ADGRG5: variants seen among roughly 807,000 people sequenced by gnomAD.
The protein encoded by ADGRG5 is G protein-coupled receptor 114.
A neutral mutation model predicts 53.2 loss-of-function variants in ADGRG5; 37 were observed. That is an observed-to-expected ratio of 0.70 (90% CI 0.53 to 0.91). The LOEUF is 0.91. Among genes scored for constraint, ADGRG5 ranks in the 40% least tolerant of loss-of-function variants. The pLI is 0.00. For missense variants in ADGRG5, 614 were observed against 675.8 expected (o/e 0.91, Z 1.01); for synonymous variants, 277 against 290.4 (o/e 0.95, Z 0.47).
rs768257609 is a variant in ADGRG5, at chr16:57,575,741, C to A, written c.*203C>A. 14 of 558,670 alleles carry A rather than the reference C, an allele frequency of 2.5e-5. No homozygotes were observed. The highest frequency in any genetic ancestry group is 4.2e-5 in the Non-Finnish European group (13 of 311,062). The allele number at this position is 558,670 out of a possible 1,614,324, so 34.6% of individuals were successfully genotyped here. A position where few individuals can be genotyped will look rare whatever the true frequency, so the allele number is the denominator to read the frequency against. ...CTCTCCCTGACATTTTGCTCCGGGG[C>A]AGATCCAACCTTACCTGGGGCAGCA... On this transcript the variant is annotated 3_prime_UTR_variant, in exon 12 of 12. Transcript: ENST00000349457.
chr16:57,553,005 C>T (rs1381154157), intron 1 of ADGRG5, among the ~76,000 whole-genome samples: 1 of 152,170 alleles, frequency 6.6e-6, no homozygotes, highest in African/African-American at 2.4e-5. Context: ...AAAACACATA[C>T]ATTTATTGGT....
At chr16:57,530,804 G>A in the ADGRG5 span, among the ~76,000 whole-genome samples, 1 of 151,818 alleles carries the variant, frequency 6.6e-6, no homozygotes, top group Admixed American at 6.6e-5. Context: ...TCCCTTTTAA[G>A]GTCCTTCCAA....
chr16:57,540,059 A>G (rs140005974), upstream of ADGRG5, among the ~76,000 whole-genome samples: 416 of 152,264 alleles, frequency 2.7e-3, 4 homozygotes, highest in African/African-American at 9.7e-3. Flanking sequence ...CCTGGCCAAC[A>G]TGGTGAAACC....
intron 9 of ADGRG5, among the ~76,000 whole-genome samples, chr16:57,569,611 A>G (rs1400312771): frequency 7.6e-5 from 11 of 145,110 alleles, no homozygotes; most frequent in Admixed American, 4.1e-4. Context: ...CTCCACCTCT[A>G]TCATCGCCAT....
Position 57,544,593 on chromosome 16 carries a change from C to T in ADGRG5, c.-39+1892C>T, listed in dbSNP as rs575610392. Reference sequence around the variant, plus strand: ...GTGGGGGTAAGAGCCTGGTCTTACACCTTGCAGGTCAAATCCATCTATCTC... The same window carrying T: ...GTGGGGGTAAGAGCCTGGTCTTACATCTTGCAGGTCAAATCCATCTATCTC... On this transcript the variant is annotated intron_variant, in intron 1 of 11. Coordinates refer to ENST00000349457, the MANE Select transcript of ADGRG5 (RefSeq NM_001304376.3). 3.9e-5 allele frequency among the ~76,000 whole-genome samples: 6 copies of T among 152,252 alleles called. No homozygotes were observed. The East Asian group carries it at 7.7e-4, about 20-fold the overall frequency.
In ADGRG5 at chr16:57,563,225, C is replaced by T. The variant is rs1218272069; in HGVS notation, c.275C>T (p.Ala92Val). Residue 92 changes from alanine (A) to valine (V), a missense_variant, in exon 4 of 12, where the codon GCC becomes GTC. Transcript: ENST00000349457. ...CDFSGLSLTS[A>V]TLKRVPQAGG... ...TTCTCTGGCCTCTCGCTGACCAGTGCCACTCTGAAGCGGGTGCCCCAGGTC... is the reference window on the plus strand; with the variant it reads ...TTCTCTGGCCTCTCGCTGACCAGTGTCACTCTGAAGCGGGTGCCCCAGGTC... 1 of 1,614,036 alleles carries T rather than the reference C, an allele frequency of 6.2e-7. No homozygotes were observed.
chr16:57,540,529 G>T (rs1227278933), upstream of ADGRG5, among the ~76,000 whole-genome samples: 1 of 152,118 alleles, frequency 6.6e-6, no homozygotes, highest in East Asian at 1.9e-4. Context: ...AGCATCCAGA[G>T]TGTTTTGTAG....
intron 1 of ADGRG5, among the ~76,000 whole-genome samples, chr16:57,560,120 G>A (rs2032968041): frequency 6.6e-6 from 1 of 151,968 alleles, no homozygotes; most frequent in South Asian, 2.1e-4. Flanking sequence ...TCCCTCCCAG[G>A]GCATTCTTTT....
chr16:57,560,991 C>G (rs1245544225), intron 1 of ADGRG5, among the ~76,000 whole-genome samples: 2 of 152,180 alleles, frequency 1.3e-5, no homozygotes, highest in African/African-American at 4.8e-5. Flanking sequence ...GTTGCCCAGG[C>G]TGGTCTGGAA....
chr16:57,558,509 G>C (rs186204756), intron 1 of ADGRG5, among the ~76,000 whole-genome samples: 3 of 152,362 alleles, frequency 2.0e-5, no homozygotes, highest in Non-Finnish European at 4.4e-5. Context: ...TGCAAGGCTT[G>C]TGGTGGAGGC....
At chr16:57,532,751 ACTC>A in the ADGRG5 span, among the ~76,000 whole-genome samples, 2 of 149,932 alleles carry the variant, frequency 1.3e-5, no homozygotes, top group East Asian at 2.0e-4. Flanking sequence ...AGACACACAC[ACTC>A]CTCCTTTTCC....
At chr16:57,575,215 T>C in intron 11 of ADGRG5, 123 bp downstream of exon 11, 1 of 1,155,848 alleles carries the variant, frequency 8.7e-7, no homozygotes, top group South Asian at 1.5e-5. Context: ...AGCCCACAGC[T>C]CCACTAGCTA....
chr16:57,541,619 A>C (rs1430784869), upstream of ADGRG5, among the ~76,000 whole-genome samples: 6 of 152,144 alleles, frequency 3.9e-5, no homozygotes. Context: ...TGAGGCAGAG[A>C]GCGGGGAGAC....
chr16:57,575,475 C>T lies in ADGRG5; in HGVS notation c.1524C>T (p.Cys508=). Residue 508 remains cysteine (C), a synonymous_variant, in exon 12 of 12, where the codon TGC becomes TGT. Coordinates refer to ENST00000349457, the MANE Select transcript of ADGRG5 (RefSeq NM_001304376.3). ...TCCTGTGGTTCTGCTCCCAGCGGTG[C>T]CGCTCAGAAGCAGAGGCCAAGGCAC... is the stretch of plus-strand genomic sequence containing the variant. ...FLFLWFCSQR[C]RSEAEAKAQI... The T allele has an allele frequency of 1.9e-5, 30 of 1,614,188 alleles. No individual in the cohort carries two copies. Among genetic ancestry groups the T allele is most frequent in the Non-Finnish European group, 2.4e-5 (28 of 1,180,006 alleles).
In ADGRG5 at chr16:57,575,108, G is replaced by A. The variant is rs113488753; in HGVS notation, c.1486+16G>A. ...TCGCTCTACGGTAGGGCTGGAGGGC[G>A]GCCTGGAGGAAGCTACCTGGCAGGG... On this transcript the variant is annotated intron_variant, in intron 11 of 11. Transcript: ENST00000349457. 21,413 of 1,600,762 alleles carry A rather than the reference G, an allele frequency of 0.013. 209 individuals carry two copies. The highest frequency in any genetic ancestry group is 0.015 in the Non-Finnish European group (17,896 of 1,173,376).
At chr16:57,558,899 C>T (rs2032940411) in intron 1 of ADGRG5, among the ~76,000 whole-genome samples, 1 of 148,728 alleles carries the variant, frequency 6.7e-6, no homozygotes, top group African/African-American at 2.5e-5. Flanking sequence ...GGATGGAGTA[C>T]AGTGGTGCTA....
Position 57,566,654 on chromosome 16 carries a change from G to T in ADGRG5, c.602G>T (p.Trp201Leu), listed in dbSNP as rs201845314. 2.5e-6 allele frequency: 4 copies of T among 1,588,248 alleles called. No individual in the cohort carries two copies. The highest frequency in any genetic ancestry group is 2.6e-6 in the Non-Finnish European group (3 of 1,168,262). Residue 201 changes from tryptophan (W) to leucine (L), a missense_variant, in exon 7 of 12, where the codon TGG (tryptophan) becomes TTG (leucine). Physicochemically the swap from Trp to Leu is moderately conservative, Grantham distance 61. Transcript: ENST00000349457. ...FWKEGARKQP[W>L]GGWSPEGCRT... ...AAGGAGGGAGCCAGGAAACAGCCCT[G>T]GGGGGGCTGGAGCCCTGAGGGCTGT...
chr16:57,567,707 G>C, intron 8 of ADGRG5, 116 bp downstream of exon 8: 1 of 1,442,054 alleles, frequency 6.9e-7, no homozygotes, highest in Non-Finnish European at 9.5e-7. Context: ...GGACCAGGAG[G>C]CGGGAGACCA....
chr16:57,539,067 G>C (rs1345452960), upstream of ADGRG5, among the ~76,000 whole-genome samples: 2 of 152,202 alleles, frequency 1.3e-5, no homozygotes, highest in African/African-American at 4.8e-5. Flanking sequence ...AAAGGTGGAA[G>C]TAACTGAAGT....
Sources: allele counts gnomAD v4.1 joint callset (sites outside exome capture counted in the v4.1 genomes callset), GRCh38; gene constraint gnomAD v4.1.1; transcripts MANE v1.5; gene names NCBI Gene and HGNC (gene_info 2026-07-23, HGNC 2026-07-21).